RASEF: variants seen among roughly 807,000 people sequenced by gnomAD.
RASEF encodes RAS and EF-hand domain containing.
A neutral mutation model predicts 90.1 loss-of-function variants in RASEF; 68 were observed. The ratio of observed to expected loss-of-function variants is 0.75; its 90% CI spans 0.62 to 0.92. The LOEUF is 0.92. Among genes scored for constraint, RASEF ranks in the 40% least tolerant of loss-of-function variants. The pLI is 0.00. For synonymous variants in RASEF, 331 were observed against 345.2 expected (o/e 0.96, Z 0.46); for missense variants, 949 against 937.2 (o/e 1.01, Z -0.16).
At chr9:83,080,805 T>C in the RASEF span, among the ~76,000 whole-genome samples, 1 of 152,122 alleles carries the variant, frequency 6.6e-6, no homozygotes, top group African/African-American at 2.4e-5. Context: ...AAATAAATCT[T>C]CCCTGCAATC....
the RASEF span, among the ~76,000 whole-genome samples, chr9:83,081,076 C>T: frequency 6.6e-6 from 1 of 152,076 alleles, no homozygotes; most frequent in Non-Finnish European, 1.5e-5. Context: ...TCACTTCATG[C>T]CCACGATGAT....
the RASEF span, among the ~76,000 whole-genome samples, chr9:83,203,286 CT>C: frequency 7.3e-6 from 1 of 136,928 alleles, no homozygotes; most frequent in South Asian, 2.3e-4. Flanking sequence ...TTTTTTTTTT[CT>C]TTTTTTGAGA....
upstream of RASEF, among the ~76,000 whole-genome samples, chr9:83,064,649 A>C (rs2117940859): frequency 6.6e-6 from 1 of 152,308 alleles, no homozygotes; most frequent in Admixed American, 6.5e-5. Context: ...GCTTTTTTGA[A>C]GATTGCTTGC....
chr9:83,088,385 G>GATAGATAGATAT, the RASEF span, among the ~76,000 whole-genome samples: 1 of 151,512 alleles, frequency 6.6e-6, no homozygotes, highest in African/African-American at 2.4e-5. Context: ...TAGATAGATA[G>GATAGATAGATAT]ATAGATAGAT....
the RASEF span, among the ~76,000 whole-genome samples, chr9:83,096,837 G>A: frequency 1.0e-4 from 15 of 149,120 alleles, no homozygotes; most frequent in Non-Finnish European, 2.2e-4. Context: ...CTGTGTCCAT[G>A]TGTTCTTATT....
chr9:83,121,934 C>T, the RASEF span, among the ~76,000 whole-genome samples: 1 of 152,156 alleles, frequency 6.6e-6, no homozygotes, highest in Admixed American at 6.5e-5. Flanking sequence ...CAAGTTTTCT[C>T]ATTGTAAAAT....
intron 16 of RASEF, among the ~76,000 whole-genome samples, chr9:82,988,194 C>T (rs913136537): frequency 2.0e-5 from 3 of 152,238 alleles, no homozygotes; most frequent in Non-Finnish European, 2.9e-5. Flanking sequence ...AAGTCAAATT[C>T]TGCATTTTAC....
At chr9:83,107,122 C>T in the RASEF span, among the ~76,000 whole-genome samples, 1 of 152,176 alleles carries the variant, frequency 6.6e-6, no homozygotes, top group African/African-American at 2.4e-5. Flanking sequence ...AGAGTGCCAG[C>T]TTCCTCTTTC....
chr9:83,015,586 A>G (rs1345757687), intron 4 of RASEF, among the ~76,000 whole-genome samples: 1 of 152,202 alleles, frequency 6.6e-6, no homozygotes, highest in East Asian at 1.9e-4. Context: ...AGGCTGAGAC[A>G]GGAGAATCAT....
chr9:83,132,014 G>A, the RASEF span, among the ~76,000 whole-genome samples: 3 of 152,022 alleles, frequency 2.0e-5, no homozygotes, highest in Admixed American at 6.5e-5. Context: ...TTCCAAAGAT[G>A]GTATTAATAA....
the RASEF span, among the ~76,000 whole-genome samples, chr9:83,069,440 C>G: frequency 1.1e-3 from 169 of 152,314 alleles, 1 homozygote; most frequent in Non-Finnish European, 2.2e-3. Context: ...ACTATGCACT[C>G]TTCCATGCCT....
the RASEF span, among the ~76,000 whole-genome samples, chr9:83,099,351 G>A: frequency 1.2e-4 from 18 of 152,202 alleles, no homozygotes; most frequent in African/African-American, 4.1e-4. Flanking sequence ...GGCATTCAGA[G>A]AACATCACAG....
At chr9:83,097,863 T>G in the RASEF span, among the ~76,000 whole-genome samples, 4 of 152,338 alleles carry the variant, frequency 2.6e-5, no homozygotes, top group African/African-American at 9.6e-5. Context: ...CATCGTCATA[T>G]TTATAGTTCC....
At chr9:83,070,019 A>C in the RASEF span, among the ~76,000 whole-genome samples, 24 of 152,102 alleles carry the variant, frequency 1.6e-4, no homozygotes, top group Non-Finnish European at 1.3e-4. Flanking sequence ...CAGTTGTAAG[A>C]GTTCTTTACA....
chr9:83,029,454 G>A (rs969864273), intron 1 of RASEF, among the ~76,000 whole-genome samples: 10 of 149,186 alleles, frequency 6.7e-5, no homozygotes, highest in South Asian at 2.1e-4. Context: ...GTGCAGTGGC[G>A]CAATCTTGGC....
At chr9:83,047,244 A>G (rs1174517482) in intron 1 of RASEF, among the ~76,000 whole-genome samples, 3 of 152,166 alleles carry the variant, frequency 2.0e-5, no homozygotes, top group Non-Finnish European at 4.4e-5. Context: ...AGCTTGACTG[A>G]ACCTGTTATG....
chr9:82,982,965 A>G (rs1212100092), intron 16 of RASEF, among the ~76,000 whole-genome samples, 183 bp from the exon 17 acceptor site: 1 of 152,208 alleles, frequency 6.6e-6, no homozygotes, highest in African/African-American at 2.4e-5. Flanking sequence ...CATAAGAACC[A>G]TATAAATTTG....
At chr9:83,190,306 G>T in the RASEF span, among the ~76,000 whole-genome samples, 78 of 152,234 alleles carry the variant, frequency 5.1e-4, no homozygotes, top group African/African-American at 1.7e-3. Flanking sequence ...AGCAGGGAAA[G>T]TACACTATAT....
chr9:83,052,911 G>A (rs542222836), intron 1 of RASEF, among the ~76,000 whole-genome samples: 1 of 148,882 alleles, frequency 6.7e-6, no homozygotes, highest in Non-Finnish European at 1.5e-5. Flanking sequence ...CAAAGAGATA[G>A]TTTGTTATAA....
Sources: gnomAD v4.1 joint callset for allele counts (sites outside exome capture counted in the v4.1 genomes callset) on GRCh38, gnomAD v4.1.1 for gene constraint, MANE v1.5 for transcripts, NCBI Gene and HGNC (gene_info 2026-07-23, HGNC 2026-07-21) for gene names.